TLE4: variants seen among roughly 807,000 people sequenced by gnomAD.
TLE4 encodes TLE family member 4, transcriptional corepressor.
In TLE4, 8 loss-of-function variants were observed where a neutral mutation model predicts 92.8. The observed-to-expected ratio is 0.09, with a 90% CI of 0.05 to 0.16. The LOEUF is 0.16. Among genes scored for constraint, TLE4 ranks in the 10% least tolerant of loss-of-function variants. The pLI, the probability that TLE4 is intolerant of heterozygous loss-of-function variation, is 1.00. For synonymous variants in TLE4, 371 were observed against 374.1 expected, an observed-to-expected ratio of 0.99 and a Z score of 0.10; for missense variants, 675 against 997.6, an observed-to-expected ratio of 0.68 and a Z score of 4.36.
At chr9:79,612,586 T>C in intron 4 of TLE4, 70 bp from the exon 5 acceptor site, 2 of 1,327,164 alleles carry the variant, frequency 1.5e-6, no homozygotes, top group South Asian at 2.3e-5. Context: ...TATCATCCTG[T>C]TAATATTTGG....
intron 4 of TLE4, among the ~76,000 whole-genome samples, chr9:79,596,121 C>A (rs772765785): frequency 2.6e-5 from 4 of 152,144 alleles, no homozygotes; most frequent in Non-Finnish European, 5.9e-5. Flanking sequence ...GCTGGGATTA[C>A]AGGCGTGAGG....
chr9:79,577,545 A>C (rs1490821608), intron 4 of TLE4, among the ~76,000 whole-genome samples: 7 of 152,180 alleles, frequency 4.6e-5, no homozygotes, highest in African/African-American at 1.7e-4. Context: ...TGCTTAAACA[A>C]AATCTGTTCA....
rs117550856 is a variant in TLE4, at chr9:79,708,750, C to T, written c.1227C>T (p.Ala409=). 45,054 of 1,609,114 alleles carry T rather than the reference C, an allele frequency of 0.028. 902 individuals carry two copies. The highest frequency in any genetic ancestry group is 0.098 in the Admixed American group (5,871 of 59,998). Residue 409 remains alanine (A), a synonymous_variant, in exon 13 of 20, where the codon GCC becomes GCT. Coordinates refer to ENST00000376552, the MANE Select transcript of TLE4 (RefSeq NM_007005.6). The part of the protein sequence containing the change: ...ISPQMSAAAA[A]AAAAAAYGRS... ...CTCAGATGAGCGCAGCTGCTGCCGC[C>T]GCCGCTGCTGCTGCTGCCTATGGGA...
chr9:79,680,760 G>A (rs2064363233), intron 8 of TLE4, among the ~76,000 whole-genome samples: 2 of 152,060 alleles, frequency 1.3e-5, no homozygotes, highest in Non-Finnish European at 2.9e-5. Context: ...ATTGGCTGTG[G>A]GTTTGTCATA....
intron 1 of TLE4, 99 bp downstream of exon 1, chr9:79,572,934 G>A: frequency 7.6e-7 from 1 of 1,314,390 alleles, no homozygotes; most frequent in Non-Finnish European, 1.0e-6. Flanking sequence ...GAGGGGCGTG[G>A]AGAGCCGCCC....
At chr9:79,719,508 C>G (rs1194681568) in intron 15 of TLE4, among the ~76,000 whole-genome samples, 1 of 151,988 alleles carries the variant, frequency 6.6e-6, no homozygotes, top group Non-Finnish European at 1.5e-5. Flanking sequence ...TTTTCTGTAA[C>G]TTAACACTCC....
Position 79,638,072 on chromosome 9 carries a change from G to A in TLE4, c.390+10624G>A, listed in dbSNP as rs566019616. Among the ~76,000 whole-genome samples the A allele has an allele frequency of 1.6e-3, 236 of 152,194 alleles. 1 individual carries two copies. The highest frequency in any genetic ancestry group is 5.3e-3 in the African/African-American group (220 of 41,532). On this transcript the variant is annotated intron_variant, in intron 6 of 19. Transcript: ENST00000376552. The stretch of plus-strand genomic sequence containing the variant: ...TTCTAGGATGGTTGTTCAGAAACTT[G>A]GAAATCAGGAGTTTACTTTTGTAGG...
chr9:79,607,294 T>G (rs2047266117), intron 4 of TLE4, among the ~76,000 whole-genome samples: 2 of 152,194 alleles, frequency 1.3e-5, no homozygotes, highest in Non-Finnish European at 2.9e-5. Flanking sequence ...GTGGGTAGAT[T>G]GCAAAAATTT....
intron 4 of TLE4, among the ~76,000 whole-genome samples, chr9:79,605,286 C>T (rs1207267188): frequency 6.6e-6 from 1 of 152,102 alleles, no homozygotes; most frequent in African/African-American, 2.4e-5. Context: ...TTCCCTGCCT[C>T]TCCCCTCTGG....
chr9:79,677,046 T>A (rs577052026), intron 8 of TLE4, among the ~76,000 whole-genome samples: 1 of 152,264 alleles, frequency 6.6e-6, no homozygotes, highest in South Asian at 2.1e-4. Flanking sequence ...AGGATAGATC[T>A]GGGCTCAAAT....
chr9:79,589,014 T>TG (rs1212178783), intron 4 of TLE4, among the ~76,000 whole-genome samples: 2 of 152,148 alleles, frequency 1.3e-5, no homozygotes, highest in African/African-American at 4.8e-5. Context: ...TGTCACAACT[T>TG]GGAGTTGCTA....
chr9:79,652,674 C>T lies in TLE4; in HGVS notation c.472C>T (p.Pro158Ser). The change falls in exon 7 of 20, where the codon CCT becomes TCT. Residue 158 changes from proline to serine, a missense_variant. Coordinates refer to ENST00000376552, the MANE Select transcript of TLE4 (RefSeq NM_007005.6). Reference protein sequence around the residue: ...LTPHPSGLQPPAIPPIGSSAG... With the variant: ...LTPHPSGLQPSAIPPIGSSAG... ...TCCACACCCTTCAGGGCTCCAGCCC[C>T]CTGCCATTCCACCCATCGGTAGCAG... The T allele has an allele frequency of 6.2e-7, 1 of 1,614,200 alleles. No individual in the cohort carries two copies. The highest frequency in any genetic ancestry group is 8.5e-7 in the Non-Finnish European group (1 of 1,180,040).
chr9:79,716,502 C>T (rs77645042), intron 14 of TLE4, among the ~76,000 whole-genome samples: 3,313 of 152,270 alleles, frequency 0.022, 47 homozygotes, highest in Middle Eastern at 0.065. Flanking sequence ...AGGATGTAGA[C>T]TAGTGGAAGG....
chr9:79,649,883 T>G (rs570749543), intron 6 of TLE4: 30 of 1,347,194 alleles, frequency 2.2e-5, no homozygotes, highest in East Asian at 4.6e-5. Flanking sequence ...CTGAGGGCTT[T>G]TTGTTGTTGT....
intron 16 of TLE4, 128 bp from the exon 17 acceptor site, chr9:79,721,613 A>G: frequency 7.2e-7 from 1 of 1,384,726 alleles, no homozygotes. Context: ...ATAATTAGAA[A>G]CCATAATAAA....
chr9:79,626,241 A>G (rs1435672020), intron 5 of TLE4, among the ~76,000 whole-genome samples: 1 of 152,206 alleles, frequency 6.6e-6, no homozygotes, highest in African/African-American at 2.4e-5. Context: ...AATGGGGGCC[A>G]GGTGGTTCAC....
chr9:79,576,226 C>G, intron 4 of TLE4, 49 bp downstream of exon 4: 2 of 1,320,378 alleles, frequency 1.5e-6, no homozygotes, highest in Non-Finnish European at 2.1e-6. Flanking sequence ...TACTGGGACA[C>G]TATGAAAAGA....
intron 8 of TLE4, among the ~76,000 whole-genome samples, chr9:79,704,416 T>A (rs1457959876): frequency 1.3e-5 from 2 of 152,136 alleles, no homozygotes; most frequent in East Asian, 3.9e-4. Flanking sequence ...CCCAGCCCCT[T>A]TCCCAAGTTT....
intron 8 of TLE4, among the ~76,000 whole-genome samples, chr9:79,657,654 A>G (rs2059958540): frequency 2.0e-5 from 3 of 152,154 alleles, no homozygotes; most frequent in Admixed American, 2.0e-4. Flanking sequence ...AATGAGGGTA[A>G]TGATTCAGAG....
Sources: allele counts gnomAD v4.1 joint callset (sites outside exome capture counted in the v4.1 genomes callset), GRCh38; gene constraint gnomAD v4.1.1; transcripts MANE v1.5; gene names NCBI Gene and HGNC (gene_info 2026-07-23, HGNC 2026-07-21).